MAL: variants seen among roughly 807,000 people sequenced by gnomAD.
MAL encodes the protein myelin and lymphocyte protein.
Under a neutral mutation model 16.7 loss-of-function variants are expected in MAL, and 5 were observed. The ratio of observed to expected loss-of-function variants is 0.30; its 90% CI spans 0.16 to 0.63. MAL has a LOEUF of 0.63. MAL is among the 30% of genes least tolerant of loss of function. MAL has a pLI of 0.82. For synonymous variants in MAL, 96 were observed against 85.5 expected, an observed-to-expected ratio of 1.12 and a Z score of -0.67; for missense variants, 202 against 195.8, an observed-to-expected ratio of 1.03 and a Z score of -0.19.
At chr2:95,039,712 G>A (rs1383336754) in intron 1 of MAL, among the ~76,000 whole-genome samples, 5 of 109,010 alleles carry the variant, frequency 4.6e-5, no homozygotes, top group African/African-American at 1.9e-4. Flanking sequence ...GACTGAGTGA[G>A]GACTGAGTGA....
rs377339355 is a variant in MAL, at chr2:95,025,797, C to T, written c.5C>T (p.Ala2Val). The change falls in exon 1 of 4, where the codon GCC (alanine) becomes GTC (valine). Residue 2 changes from alanine (A) to valine (V), a missense_variant. By Grantham distance (64) the Ala-to-Val change is moderately conservative. Transcript: ENST00000309988. This position sits in a 1 kb window ranked among gnomAD's most constrained non-coding sequence, Gnocchi z 5.6. Reference sequence around the variant, plus strand: ...GGCCGACGCCAGCACGCCGTCATGGCCCCCGCAGCGGCGACGGGGGGCAGC... The same window carrying T: ...GGCCGACGCCAGCACGCCGTCATGGTCCCCGCAGCGGCGACGGGGGGCAGC... M[A>V]PAAATGGSTL... 4 of 1,549,292 alleles carry T rather than the reference C, an allele frequency of 2.6e-6. No individual in the cohort carries two copies. Among genetic ancestry groups the T allele is most frequent in the Non-Finnish European group, 2.6e-6 (3 of 1,147,428 alleles).
intron 1 of MAL, among the ~76,000 whole-genome samples, chr2:95,046,183 G>T (rs1017930677): frequency 7.2e-5 from 11 of 152,308 alleles, no homozygotes; most frequent in Admixed American, 4.6e-4. Context: ...CCAGCAGGTG[G>T]GCAGCAGGTG....
chr2:95,046,523 G>A lies in MAL; in HGVS notation c.94-1436G>A, dbSNP rs77422469. ...ACGGAGTTTGTACGTACCCATCCGCGGTGGGGAGCGGGTTTGTATGTGTCC... is the reference window on the plus strand; with the variant it reads ...ACGGAGTTTGTACGTACCCATCCGCAGTGGGGAGCGGGTTTGTATGTGTCC... On this transcript the variant is annotated intron_variant, in intron 1 of 3. Transcript: ENST00000309988. Among the ~76,000 whole-genome samples the A allele has an allele frequency of 2.9e-3, 442 of 152,324 alleles. 20 individuals carry two copies. In the East Asian group the frequency reaches 0.066, roughly 23 times the overall value.
At chr2:95,048,183 C>T in intron 2 of MAL, 57 bp downstream of exon 2, 2 of 1,510,986 alleles carry the variant, frequency 1.3e-6, no homozygotes, top group Non-Finnish European at 1.8e-6. Flanking sequence ...GTACTGGTCC[C>T]TGGCCCAGTA....
chr2:95,025,926 G>A lies in MAL; in HGVS notation c.93+41G>A. ...CCGGGGAAGGGACGGGGTGGGCTGA[G>A]CCGTGCGCTCTCTCGGGCGCCCAGC... On this transcript the variant is annotated intron_variant, in intron 1 of 3. Coordinates refer to ENST00000309988, the MANE Select transcript of MAL (RefSeq NM_002371.4). This position sits in a 1 kb window ranked among gnomAD's most constrained non-coding sequence, Gnocchi z 5.6. The A allele has an allele frequency of 6.7e-7, 1 of 1,495,628 alleles. No homozygotes were observed. The allele number at this position is 1,495,628 out of a possible 1,614,324, so 92.6% of individuals were successfully genotyped here.
intron 3 of MAL, among the ~76,000 whole-genome samples, chr2:95,050,124 G>A (rs1464095768): frequency 6.6e-6 from 1 of 152,168 alleles, no homozygotes; most frequent in Non-Finnish European, 1.5e-5. Context: ...GTGGGACCTG[G>A]CATCAACGCT....
At chr2:95,034,222 TCCTGGGGCCTTC>T (rs2104334320) in intron 1 of MAL, among the ~76,000 whole-genome samples, 1 of 152,272 alleles carries the variant, frequency 6.6e-6, no homozygotes, top group South Asian at 2.1e-4. Flanking sequence ...GACACCACCT[TCCTGGGGCCTTC>T]CCAGTGGCTC....
chr2:95,030,428 G>C lies in MAL; in HGVS notation c.93+4543G>C, dbSNP rs553511523. Among the ~76,000 whole-genome samples the C allele has an allele frequency of 3.9e-5, 6 of 152,238 alleles. No individual in the cohort carries two copies. The South Asian group carries it at 1.0e-3, about 26-fold the overall frequency. On this transcript the variant is annotated intron_variant, in intron 1 of 3. Transcript: ENST00000309988. ...ACCCAGTGAGGAACTTTTCCTTTTG[G>C]AGCCACTCTCTGTCTCTGTCTCCGT...
intron 1 of MAL, among the ~76,000 whole-genome samples, chr2:95,028,096 C>T (rs1673987067): frequency 7.1e-6 from 1 of 140,346 alleles, no homozygotes; most frequent in Non-Finnish European, 1.5e-5. Flanking sequence ...CACCTGAGGT[C>T]AGGAGTTCGA....
In MAL at chr2:95,032,167, A is replaced by G. The variant is rs140601925; in HGVS notation, c.93+6282A>G. On this transcript the variant is annotated intron_variant, in intron 1 of 3. Coordinates refer to ENST00000309988, the MANE Select transcript of MAL (RefSeq NM_002371.4). ...TAGGAAGCCCCACGATGCTGCTGCC[A>G]GCAGCGCTCACACTCAGGTCGGCCA... Among the ~76,000 whole-genome samples, 42 of 152,386 alleles carry G rather than the reference A, an allele frequency of 2.8e-4. 1 individual carries two copies. In the East Asian group the frequency reaches 7.7e-3, roughly 28 times the overall value.
chr2:95,038,856 C>CTGAGTGGG (rs796889595), intron 1 of MAL, among the ~76,000 whole-genome samples: 4 of 7,996 alleles, frequency 5.0e-4, no homozygotes, highest in Non-Finnish European at 6.1e-4. Flanking sequence ...GACCGAGTGA[C>CTGAGTGGG]TGAGTGAGTG....
intron 1 of MAL, among the ~76,000 whole-genome samples, chr2:95,037,746 G>A (rs1480831785): frequency 6.8e-6 from 1 of 147,748 alleles, no homozygotes; most frequent in Non-Finnish European, 1.5e-5. Flanking sequence ...CTGAGTGGGT[G>A]AGTGAGTGAC....
At chr2:95,029,215 G>A (rs1305676812) in intron 1 of MAL, among the ~76,000 whole-genome samples, 1 of 152,134 alleles carries the variant, frequency 6.6e-6, no homozygotes, top group Non-Finnish European at 1.5e-5. Flanking sequence ...CTTTCAGATG[G>A]CATCTAAGCC....
At position 95,025,812 on chromosome 2, in the gene MAL, C is replaced by T. The variant is rs1558654296; in HGVS notation, c.20C>T (p.Thr7Met). 3 of 1,562,348 alleles carry T rather than the reference C, an allele frequency of 1.9e-6. No homozygotes were observed. Among genetic ancestry groups the T allele is most frequent in the Non-Finnish European group, 2.6e-6 (3 of 1,154,618 alleles). ...GCCGTCATGGCCCCCGCAGCGGCGACGGGGGGCAGCACCCTGCCCAGTGGC... is the reference window on the plus strand; with the variant it reads ...GCCGTCATGGCCCCCGCAGCGGCGATGGGGGGCAGCACCCTGCCCAGTGGC... MAPAAA[T>M]GGSTLPSGFS... The change falls in exon 1 of 4, where the codon ACG (threonine) becomes ATG (methionine). Residue 7 changes from threonine (T) to methionine (M), a missense_variant. Physicochemically the swap from Thr to Met is moderately conservative, Grantham distance 81. Transcript: ENST00000309988. This position sits in a 1 kb window ranked among gnomAD's most constrained non-coding sequence, Gnocchi z 5.6.
Position 95,049,703 on chromosome 2 carries a change from C to A in MAL, c.384C>A (p.Ala128=). 1.2e-6 allele frequency: 2 copies of A among 1,614,164 alleles called. No homozygotes were observed. The highest frequency in any genetic ancestry group is 1.1e-5 in the South Asian group (1 of 91,066). ...GGCACTACCATGAAAACATTGCTGC[C>A]GTGGTGAGTCCGGGCACCTGGGGCT... ...TYRHYHENIA[A]VVFSYIATLL... The change falls in exon 3 of 4, where the codon GCC becomes GCA. Residue 128 remains alanine, a synonymous_variant. Transcript: ENST00000309988.
At chr2:95,044,951 G>A (rs1674552441) in intron 1 of MAL, among the ~76,000 whole-genome samples, 2 of 152,358 alleles carry the variant, frequency 1.3e-5, no homozygotes, top group South Asian at 4.1e-4. Context: ...AGATGACTCT[G>A]CAGACAGGAG....
In MAL at chr2:95,033,386, A is replaced by G. The variant is rs141343004; in HGVS notation, c.93+7501A>G. 3.2e-3 allele frequency among the ~76,000 whole-genome samples: 480 copies of G among 152,252 alleles called. 1 individual carries two copies. Among genetic ancestry groups the G allele is most frequent in the African/African-American group, 0.011 (456 of 41,526 alleles). ...CAAACCTTGCTATTGTTTTCCTCTG[A>G]AGAAACAGAGGATATTGAGACTCAT... is the stretch of plus-strand genomic sequence containing the variant. On this transcript the variant is annotated intron_variant, in intron 1 of 3. Coordinates refer to ENST00000309988, the MANE Select transcript of MAL (RefSeq NM_002371.4).
At chr2:95,049,304 A>AC (rs1674660792) in intron 2 of MAL, among the ~76,000 whole-genome samples, 1 of 152,102 alleles carries the variant, frequency 6.6e-6, no homozygotes, top group African/African-American at 2.4e-5. Flanking sequence ...TCCCTGGGAC[A>AC]CCCCAAGCTG....
intron 1 of MAL, among the ~76,000 whole-genome samples, chr2:95,038,527 A>G (rs578073415): frequency 5.3e-5 from 8 of 150,438 alleles, no homozygotes; most frequent in Admixed American, 4.0e-4. Flanking sequence ...TGAGTGAGTG[A>G]CTGAGTGAGT....
Sources: gnomAD v4.1 joint callset for allele counts (sites outside exome capture counted in the v4.1 genomes callset) on GRCh38, gnomAD v4.1.1 for gene constraint, Gnocchi (gnomAD v3.1) non-coding constraint, MANE v1.5 for transcripts, NCBI Gene and HGNC (gene_info 2026-07-23, HGNC 2026-07-21) for gene names.